The following MARCHF8 variants were observed in gnomAD, a reference collection of about 807,000 sequenced individuals.
MARCHF8 encodes E3 ubiquitin-protein ligase MARCHF8.
In MARCHF8, 40 loss-of-function variants were observed where a neutral mutation model predicts 51.6. The observed-to-expected ratio is 0.77, with a 90% CI of 0.60 to 1.01. The LOEUF is 1.01. MARCHF8 is among the 50% of genes least tolerant of loss of function. MARCHF8 has a pLI of 0.00. For synonymous variants in MARCHF8, 263 were observed against 280.3 expected, an observed-to-expected ratio of 0.94 and a Z score of 0.62; for missense variants, 685 against 708.6, an observed-to-expected ratio of 0.97 and a Z score of 0.38.
At chr10:45,499,873 C>T (rs998215545) in intron 2 of MARCHF8, among the ~76,000 whole-genome samples, 1 of 152,154 alleles carries the variant, frequency 6.6e-6, no homozygotes, top group African/African-American at 2.4e-5. Context: ...AGCATCACAC[C>T]ATCACTTTGT....
At chr10:45,495,100 A>C (rs2043148858) in intron 2 of MARCHF8, among the ~76,000 whole-genome samples, 1 of 152,026 alleles carries the variant, frequency 6.6e-6, no homozygotes, top group Non-Finnish European at 1.5e-5. Context: ...AGCCTGGGCA[A>C]CAAAAGCAAA....
Position 45,515,949 on chromosome 10 carries a change from C to T in MARCHF8, c.102+17161G>A, listed in dbSNP as rs962386501. Among the ~76,000 whole-genome samples, 3 of 152,170 alleles carry T rather than the reference C, an allele frequency of 2.0e-5. No individual in the cohort carries two copies. The South Asian group carries it at 6.2e-4, about 32-fold the overall frequency. On this transcript the variant is annotated intron_variant, in intron 2 of 7. Transcript: ENST00000453424. ...TCCTTTTCCTCAACATTCTGTAATC[C>T]CCTCAATGTCTTACGAGATTTCATG...
rs1404316946 is a variant in MARCHF8 at position 45,464,262 on chromosome 10, C to T, written c.219G>A (p.Thr73=). Reference sequence around the variant, plus strand: ...ACCTGCAGATGTCCTGGCTGGATGGCGTGATAGAAGTGCGAGAGAAGGAGG... The same window carrying T: ...ACCTGCAGATGTCCTGGCTGGATGGTGTGATAGAAGTGCGAGAGAAGGAGG... ...PVSSFSRTSI[T]PSSQDICSSS... The change falls in exon 4 of 8, where the codon ACG becomes ACA. Residue 73 remains threonine, a synonymous_variant. Coordinates refer to ENST00000453424, the MANE Select transcript of MARCHF8 (RefSeq NM_001282866.2). 7 of 1,613,978 alleles carry T rather than the reference C, an allele frequency of 4.3e-6. No homozygotes were observed. The highest frequency in any genetic ancestry group is 4.0e-5 in the African/African-American group (3 of 74,886).
rs559389793 is a variant in MARCHF8 at position 45,514,151 on chromosome 10, T to C, written c.102+18959A>G. On this transcript the variant is annotated intron_variant, in intron 2 of 7. Coordinates refer to ENST00000453424, the MANE Select transcript of MARCHF8 (RefSeq NM_001282866.2). ...TCGCAATTTCAAGAAACAGTTTTGT[T>C]AGAAACAAAGTACATCATTGAAAAT... Among the ~76,000 whole-genome samples the C allele has an allele frequency of 1.1e-4, 16 of 152,370 alleles. No homozygotes were observed. In the South Asian group the frequency reaches 3.3e-3, roughly 32 times the overall value.
chr10:45,499,147 T>C (rs2043230219), intron 2 of MARCHF8, among the ~76,000 whole-genome samples: 1 of 152,208 alleles, frequency 6.6e-6, no homozygotes, highest in African/African-American at 2.4e-5. Flanking sequence ...CCATCCTTGA[T>C]GGTTGTAAAG....
intron 2 of MARCHF8, among the ~76,000 whole-genome samples, chr10:45,526,488 T>C (rs2043796256): frequency 6.6e-6 from 1 of 151,644 alleles, no homozygotes; most frequent in Non-Finnish European, 1.5e-5. Flanking sequence ...CACATGGGAG[T>C]ACACAGGCTT....
At chr10:45,586,026 GCTT>G (rs1279305922) in intron 1 of MARCHF8, among the ~76,000 whole-genome samples, 1 of 152,058 alleles carries the variant, frequency 6.6e-6, no homozygotes, top group Non-Finnish European at 1.5e-5. Context: ...GTCTGTAAAT[GCTT>G]TTTAGACCCT....
chr10:45,486,696 C>A (rs532961628), intron 3 of MARCHF8, among the ~76,000 whole-genome samples: 8 of 152,144 alleles, frequency 5.3e-5, no homozygotes, highest in African/African-American at 1.9e-4. Flanking sequence ...CGAACTTTGA[C>A]AAGAGTCAGG....
At chr10:45,545,070 T>C (rs1164570521) in intron 1 of MARCHF8, among the ~76,000 whole-genome samples, 1 of 152,166 alleles carries the variant, frequency 6.6e-6, no homozygotes, top group Non-Finnish European at 1.5e-5. Context: ...CATCTGACCA[T>C]CCTGACAGAG....
At chr10:45,509,254 G>A (rs778158586) in intron 2 of MARCHF8, among the ~76,000 whole-genome samples, 7 of 152,204 alleles carry the variant, frequency 4.6e-5, no homozygotes, top group Non-Finnish European at 1.0e-4. Flanking sequence ...ATGGCTGAAT[G>A]AGCTAATGAG....
Position 45,583,216 on chromosome 10 carries a change from G to A in MARCHF8, c.-79+11019C>T, listed in dbSNP as rs957174915. Among the ~76,000 whole-genome samples, 5 of 152,110 alleles carry A rather than the reference G, an allele frequency of 3.3e-5. No homozygotes were observed. In the East Asian group the frequency reaches 7.7e-4, roughly 23 times the overall value. On this transcript the variant is annotated intron_variant, in intron 1 of 6. Coordinates refer to the MARCHF8 transcript ENST00000319836. ...AATTTTAAGATACAGAAAAATAAGG[G>A]ATCGGTAATAGATAATGTTGTAGGC...
chr10:45,538,630 A>C (rs1212789822), upstream of MARCHF8, among the ~76,000 whole-genome samples: 4 of 152,218 alleles, frequency 2.6e-5, no homozygotes, highest in Non-Finnish European at 2.9e-5. Context: ...AGATCTACCA[A>C]GCAAACGGAA....
At chr10:45,575,512 C>T (rs1268417942) in intron 1 of MARCHF8, among the ~76,000 whole-genome samples, 1 of 152,164 alleles carries the variant, frequency 6.6e-6, no homozygotes, top group Non-Finnish European at 1.5e-5. Context: ...AACAACCCCA[C>T]AATATCACCT....
chr10:45,543,612 C>T (rs1332468638), intron 1 of MARCHF8, among the ~76,000 whole-genome samples: 2 of 151,608 alleles, frequency 1.3e-5, no homozygotes, highest in African/African-American at 2.4e-5. Context: ...TCCTGGTCAA[C>T]ATGGTGAAAC....
chr10:45,504,111 G>A (rs916916010), intron 2 of MARCHF8, among the ~76,000 whole-genome samples: 1 of 152,160 alleles, frequency 6.6e-6, no homozygotes, highest in Non-Finnish European at 1.5e-5. Context: ...CTTTAAAAGG[G>A]TGATTTAATG....
intron 1 of MARCHF8, among the ~76,000 whole-genome samples, chr10:45,564,951 C>T (rs1192792995): frequency 1.5e-5 from 2 of 134,688 alleles, no homozygotes; most frequent in Non-Finnish European, 3.2e-5. Flanking sequence ...GGAAATTAAT[C>T]CCCAGCAAAT....
At chr10:45,469,125 A>G (rs2132969212) in intron 3 of MARCHF8, among the ~76,000 whole-genome samples, 1 of 152,078 alleles carries the variant, frequency 6.6e-6, no homozygotes, top group Non-Finnish European at 1.5e-5. Flanking sequence ...AAATGGGAAA[A>G]GTTCTCATTA....
At chr10:45,577,516 A>G (rs562161663) in intron 1 of MARCHF8, among the ~76,000 whole-genome samples, 1 of 152,272 alleles carries the variant, frequency 6.6e-6, no homozygotes, top group South Asian at 2.1e-4. Context: ...GCCCACAAAA[A>G]TTAAAAATTA....
chr10:45,489,221 C>T (rs369802840), intron 3 of MARCHF8, 146 bp downstream of exon 3: 1 of 597,520 alleles, frequency 1.7e-6, no homozygotes, highest in Admixed American at 3.7e-5. Context: ...CTGCCACATA[C>T]CTCTTATGGT....
Sources: allele counts gnomAD v4.1 joint callset (sites outside exome capture counted in the v4.1 genomes callset), GRCh38; gene constraint gnomAD v4.1.1; transcripts MANE v1.5; gene names NCBI Gene and HGNC (gene_info 2026-07-23, HGNC 2026-07-21).